TSHZ3: variants seen among roughly 807,000 people sequenced by gnomAD.
TSHZ3 encodes the protein teashirt homolog 3.
A neutral mutation model predicts 64.5 loss-of-function variants in TSHZ3; 10 were observed. The observed-to-expected ratio is 0.16, with a 90% CI of 0.10 to 0.26. The LOEUF (loss-of-function observed/expected upper bound fraction) is 0.26. Among genes scored for constraint, TSHZ3 ranks in the 10% least tolerant of loss-of-function variants. The pLI is 1.00. For synonymous variants in TSHZ3, 608 were observed against 593.1 expected (o/e 1.03, Z -0.36); for missense variants, 1,242 against 1,421.7 (o/e 0.87, Z 2.03).
intron 4 of TSHZ3, among the ~76,000 whole-genome samples, chr19:31,223,955 T>C (rs954051115): frequency 6.6e-6 from 1 of 152,142 alleles, no homozygotes; most frequent in Non-Finnish European, 1.5e-5. Context: ...GCTACTTGCG[T>C]CCAACTCCTT....
chr19:31,300,771 A>G (rs920803112), intron 1 of TSHZ3, among the ~76,000 whole-genome samples: 2 of 152,166 alleles, frequency 1.3e-5, no homozygotes, highest in East Asian at 3.9e-4. Flanking sequence ...AGGAAGTCAC[A>G]GCCCCAAATG....
rs182436150 is a variant in TSHZ3, at chr19:31,326,305, G to T, written c.40+22875C>A. Among the ~76,000 whole-genome samples the T allele has an allele frequency of 3.9e-4, 59 of 152,366 alleles. 1 individual carries two copies. Among genetic ancestry groups the T allele is most frequent in the Middle Eastern group, 3.4e-3 (1 of 294 alleles). On this transcript the variant is annotated intron_variant, in intron 1 of 1. Coordinates refer to ENST00000240587, the MANE Select transcript of TSHZ3 (RefSeq NM_020856.4). ...AAGAACTGAGGAGCTGGGGTTAGAA[G>T]AAGACTCTCTTTTAACTGCATACCC...
chr19:31,246,239 G>GA (rs1975756568), intron 1 of TSHZ3, among the ~76,000 whole-genome samples: 1 of 152,166 alleles, frequency 6.6e-6, no homozygotes, highest in Non-Finnish European at 1.5e-5. Context: ...ATAAGGCTCA[G>GA]AAAAATGTCT....
intron 1 of TSHZ3, among the ~76,000 whole-genome samples, chr19:31,339,271 A>G (rs1472811183): frequency 6.6e-6 from 1 of 151,760 alleles, no homozygotes; most frequent in Non-Finnish European, 1.5e-5. Context: ...AAAGGGGGGA[A>G]AAAAAGTCAG....
chr19:31,176,045 T>A (rs1208175459), intron 5 of TSHZ3, among the ~76,000 whole-genome samples: 1 of 152,172 alleles, frequency 6.6e-6, no homozygotes, highest in Non-Finnish European at 1.5e-5. Flanking sequence ...AGGGGAAAGT[T>A]CTGTGTGGGC....
At chr19:31,342,982 G>GT (rs1917481143) in intron 1 of TSHZ3, among the ~76,000 whole-genome samples, 1 of 152,312 alleles carries the variant, frequency 6.6e-6, no homozygotes, top group East Asian at 1.9e-4. Context: ...AAAAATGTAC[G>GT]TAAGTTAGCA....
At chr19:31,179,132 A>G (rs1974659729) in intron 5 of TSHZ3, among the ~76,000 whole-genome samples, 1 of 152,100 alleles carries the variant, frequency 6.6e-6, no homozygotes, top group Non-Finnish European at 1.5e-5. Flanking sequence ...TGACAGGACT[A>G]CTCACAACAA....
chr19:31,232,500 T>G (rs2145176828), intron 3 of TSHZ3, among the ~76,000 whole-genome samples: 1 of 152,320 alleles, frequency 6.6e-6, no homozygotes, highest in South Asian at 2.1e-4. Flanking sequence ...TCCAAGGCAA[T>G]CCTGAAATTC....
chr19:31,234,041 A>T (rs1267912780), intron 3 of TSHZ3, among the ~76,000 whole-genome samples: 1 of 151,822 alleles, frequency 6.6e-6, no homozygotes, highest in African/African-American at 2.4e-5. Flanking sequence ...CTTCCCATCC[A>T]CTAACAGGAC....
intron 5 of TSHZ3, among the ~76,000 whole-genome samples, chr19:31,199,282 T>C (rs753927204): frequency 6.0e-5 from 9 of 151,206 alleles, no homozygotes; most frequent in Admixed American, 5.9e-4. Context: ...CGGGCGCCTG[T>C]AGTCCCAGCT....
intron 3 of TSHZ3, among the ~76,000 whole-genome samples, chr19:31,233,154 A>G (rs1975563466): frequency 6.6e-6 from 1 of 152,166 alleles, no homozygotes; most frequent in South Asian, 2.1e-4. Context: ...ACAGTTTTCA[A>G]AAGTGATTTT....
At chr19:31,244,763 C>T (rs915390214) in intron 1 of TSHZ3, among the ~76,000 whole-genome samples, 1 of 152,168 alleles carries the variant, frequency 6.6e-6, no homozygotes, top group Non-Finnish European at 1.5e-5. Context: ...CCCACTTCAG[C>T]CTCCCAAGTA....
In TSHZ3 at chr19:31,277,804, GCCC is replaced by G. The variant is rs767392076; in HGVS notation, c.1986_1988del (p.Gly663del). The G allele has an allele frequency of 6.5e-7, 1 of 1,543,476 alleles. No homozygotes were observed. The highest frequency in any genetic ancestry group is 2.3e-5 in the East Asian group (1 of 44,434). Reference sequence around the variant, plus strand: ...TGGGGCTGTTCTCCTGGCTGCGGAAGCCCCCATCGCTGGATGCCTCCATCTTGA... The same window carrying G: ...TGGGGCTGTTCTCCTGGCTGCGGAAGCCATCGCTGGATGCCTCCATCTTGA... On this transcript the variant is annotated inframe_deletion, in exon 2 of 2. Transcript: ENST00000240587. This position sits in a 1 kb window ranked among gnomAD's most constrained non-coding sequence, Gnocchi z 4.5.
intron 1 of TSHZ3, among the ~76,000 whole-genome samples, chr19:31,289,778 G>A (rs145627610): frequency 7.4e-4 from 112 of 152,176 alleles, no homozygotes; most frequent in Non-Finnish European, 1.1e-3. Context: ...TTCTCCTCCA[G>A]GCTGAGCCCA....
At chr19:31,334,085 T>C (rs1917173279) in intron 1 of TSHZ3, among the ~76,000 whole-genome samples, 1 of 152,170 alleles carries the variant, frequency 6.6e-6, no homozygotes, top group Non-Finnish European at 1.5e-5. Flanking sequence ...TTATTTTATT[T>C]ATTTTCCTTT....
rs1976287002 is a variant in TSHZ3, at chr19:31,278,189, T to C, written c.1604A>G (p.Asn535Ser). 17 of 1,614,196 alleles carry C rather than the reference T, an allele frequency of 1.1e-5. No homozygotes were observed. The highest frequency in any genetic ancestry group is 1.3e-5 in the Non-Finnish European group (15 of 1,180,026). The change falls in exon 2 of 2, where the codon AAC becomes AGC. Residue 535 changes from asparagine (N) to serine (S), a missense_variant. Transcript: ENST00000240587. This position sits in a 1 kb window ranked among gnomAD's most constrained non-coding sequence, Gnocchi z 4.7. The part of the protein sequence containing the change: ...SLENTVTSAI[N>S]KAQNGTPSWG... ...GCTAGGAGTGCCGTTCTGGGCCTTG[T>C]TGATTGCGGATGTCACTGTGTTTTC...
At chr19:31,224,118 C>T (rs1017818245) in intron 4 of TSHZ3, among the ~76,000 whole-genome samples, 7 of 152,272 alleles carry the variant, frequency 4.6e-5, no homozygotes, top group East Asian at 3.9e-4. Flanking sequence ...GAAACTGGCA[C>T]GGAGATATAA....
At chr19:31,219,798 T>G (rs115170248) in intron 4 of TSHZ3, among the ~76,000 whole-genome samples, 2,203 of 149,070 alleles carry the variant, frequency 0.015, 46 homozygotes, top group African/African-American at 0.051. Flanking sequence ...TGTGTATAGA[T>G]ATATATATGT....
exon 4 of TSHZ3, among the ~76,000 whole-genome samples, chr19:31,228,081 A>G (rs550924386): frequency 6.6e-6 from 1 of 152,130 alleles, no homozygotes; most frequent in Non-Finnish European, 1.5e-5. Context: ...GAACATCTAG[A>G]GTCATCTTCT....
Sources: gnomAD v4.1 joint callset for allele counts (sites outside exome capture counted in the v4.1 genomes callset) on GRCh38, gnomAD v4.1.1 for gene constraint, Gnocchi (gnomAD v3.1) non-coding constraint, MANE v1.5 for transcripts, NCBI Gene and HGNC (gene_info 2026-07-23, HGNC 2026-07-21) for gene names.